Variants in MEF2A observed in about 807,000 individuals in gnomAD.
MEF2A encodes the protein myocyte enhancer factor 2A.
Under a neutral mutation model 55.8 loss-of-function variants are expected in MEF2A, and 28 were observed. The observed-to-expected ratio is 0.50, with a 90% CI of 0.37 to 0.69. The LOEUF is 0.69. MEF2A is among the 30% of genes least tolerant of loss of function. The pLI is 0.00. For synonymous variants in MEF2A, 239 were observed against 227.1 expected, an observed-to-expected ratio of 1.05 and a Z score of -0.47; for missense variants, 528 against 626.2, an observed-to-expected ratio of 0.84 and a Z score of 1.67.
At chr15:99,595,293 A>G (rs892350134) in intron 1 of MEF2A, among the ~76,000 whole-genome samples, 2 of 152,120 alleles carry the variant, frequency 1.3e-5, no homozygotes, top group African/African-American at 2.4e-5. Context: ...AGTTGTTGTT[A>G]TTATGTTAGG....
At chr15:99,657,411 A>G (rs1034959642) in intron 4 of MEF2A, 4 of 152,060 alleles carry the variant, frequency 2.6e-5, no homozygotes, top group Non-Finnish European at 4.4e-5. Flanking sequence ...TTGTTGGGCT[A>G]GGTTATCTGG....
intron 4 of MEF2A, among the ~76,000 whole-genome samples, chr15:99,655,739 A>G (rs2047603188): frequency 6.6e-6 from 1 of 152,172 alleles, no homozygotes; most frequent in African/African-American, 2.4e-5. Flanking sequence ...GGAATAGAAT[A>G]TATTGACACA....
intron 2 of MEF2A, among the ~76,000 whole-genome samples, chr15:99,630,429 C>G (rs1193980000): frequency 1.3e-5 from 2 of 152,136 alleles, no homozygotes; most frequent in African/African-American, 4.8e-5. Context: ...ATGTTTTCCA[C>G]TTTTTGTTTA....
intron 1 of MEF2A, among the ~76,000 whole-genome samples, chr15:99,597,993 T>G (rs1007734068): frequency 1.6e-4 from 25 of 152,232 alleles, no homozygotes; most frequent in Admixed American, 3.3e-4. Context: ...GTGATAACAA[T>G]TATTTCACAA....
At chr15:99,653,433 T>C (rs931650750) in intron 4 of MEF2A, among the ~76,000 whole-genome samples, 5 of 152,212 alleles carry the variant, frequency 3.3e-5, no homozygotes, top group Admixed American at 1.3e-4. Context: ...TTTACAATTA[T>C]GCAATCAGTG....
chr15:99,675,536 G>A (rs2051811945), intron 7 of MEF2A, 78 bp downstream of exon 7: 1 of 1,287,038 alleles, frequency 7.8e-7, no homozygotes, highest in Non-Finnish European at 1.1e-6. Flanking sequence ...CTGAAATAAA[G>A]CTTTCTGGGA....
intron 2 of MEF2A, among the ~76,000 whole-genome samples, chr15:99,623,123 A>G (rs575157706): frequency 3.9e-4 from 60 of 152,288 alleles, no homozygotes; most frequent in African/African-American, 1.4e-3. Flanking sequence ...GAATTTGACT[A>G]CTTTACGTAC....
In MEF2A at chr15:99,690,404, A is replaced by G. The variant is rs760568467; in HGVS notation, c.834A>G (p.Ser278=). ...ATCTTCGAGTTGTCATCCCCCCTTCAAGCAAGGGCATGATGCCTCCACTAG... is the reference window on the plus strand; with the variant it reads ...ATCTTCGAGTTGTCATCCCCCCTTCGAGCAAGGGCATGATGCCTCCACTAG... The part of the protein sequence containing the change: ...KPDLRVVIPP[S]SKGMMPPLSE... Residue 278 remains serine (S), a synonymous_variant, in exon 8 of 12, where the codon TCA becomes TCG. Coordinates refer to ENST00000557942, the MANE Select transcript of MEF2A (RefSeq NM_001319206.4). 12 of 1,603,372 alleles carry G rather than the reference A, an allele frequency of 7.5e-6. No individual in the cohort carries two copies. Among genetic ancestry groups the G allele is most frequent in the African/African-American group, 1.3e-5 (1 of 74,610 alleles).
intron 3 of MEF2A, among the ~76,000 whole-genome samples, chr15:99,638,633 A>G (rs2153443294): frequency 6.6e-6 from 1 of 152,180 alleles, no homozygotes. Context: ...CAATTCTAGA[A>G]TTTTTTGATT....
At chr15:99,708,515 T>A (rs2058280834) in intron 10 of MEF2A, among the ~76,000 whole-genome samples, 1 of 152,260 alleles carries the variant, frequency 6.6e-6, no homozygotes, top group Non-Finnish European at 1.5e-5. Context: ...ATCAGTCGCT[T>A]AGCGTCAGTC....
At position 99,714,853 on chromosome 15, in the gene MEF2A, T is replaced by C. The variant is rs1486857389; in HGVS notation, c.*2082T>C. On this transcript the variant is annotated 3_prime_UTR_variant, in exon 12 of 12. Coordinates refer to ENST00000557942, the MANE Select transcript of MEF2A (RefSeq NM_001319206.4). ...CGTTCCTTTTGACATTTTCCTCATC[T>C]GCTGTTTGTGACAAGTCATCAGCCA... 4.9e-5 allele frequency: 6 copies of C among 121,772 alleles called. No individual in the cohort carries two copies. Among genetic ancestry groups the C allele is most frequent in the Non-Finnish European group, 6.4e-5 (4 of 62,536 alleles). The allele number at this position is 121,772 out of a possible 1,614,324, so 7.5% of individuals were successfully genotyped here.
intron 8 of MEF2A, among the ~76,000 whole-genome samples, chr15:99,702,403 T>TA (rs1473399155): frequency 1.3e-5 from 2 of 151,474 alleles, no homozygotes; most frequent in African/African-American, 4.8e-5. Flanking sequence ...TTCTAAATGT[T>TA]ATGGAGAAAA....
chr15:99,582,943 A>C (rs1053991257), intron 1 of MEF2A, among the ~76,000 whole-genome samples: 4 of 152,140 alleles, frequency 2.6e-5, no homozygotes, highest in African/African-American at 9.7e-5. Context: ...AAATCACCCC[A>C]GTTCTCTTCC....
chr15:99,615,310 A>T (rs921709369), intron 2 of MEF2A, among the ~76,000 whole-genome samples: 1 of 152,178 alleles, frequency 6.6e-6, no homozygotes, highest in Non-Finnish European at 1.5e-5. Flanking sequence ...TTTGTCTTTT[A>T]TGCAGACTTA....
chr15:99,596,562 C>T (rs1301767632), intron 1 of MEF2A, among the ~76,000 whole-genome samples: 1 of 152,150 alleles, frequency 6.6e-6, no homozygotes, highest in East Asian at 1.9e-4. Context: ...ATAATTAATA[C>T]TGCTGAATCA....
chr15:99,591,400 A>G (rs965457947), intron 1 of MEF2A, among the ~76,000 whole-genome samples: 1 of 152,000 alleles, frequency 6.6e-6, no homozygotes, highest in African/African-American at 2.4e-5. Flanking sequence ...GGAGTCTGGT[A>G]ATTATTATCT....
chr15:99,566,898 C>T (rs1567122649), intron 1 of MEF2A, among the ~76,000 whole-genome samples: 2 of 152,298 alleles, frequency 1.3e-5, no homozygotes, highest in East Asian at 3.9e-4. Context: ...CTGGCTGAAC[C>T]CCTGCCATCC....
intron 2 of MEF2A, among the ~76,000 whole-genome samples, chr15:99,620,467 G>A (rs1405074211): frequency 1.3e-5 from 2 of 152,156 alleles, no homozygotes; most frequent in African/African-American, 2.4e-5. Context: ...GTGTTAATTC[G>A]CTTAGAATGA....
Position 99,712,354 on chromosome 15 carries a change from G to A in MEF2A, c.1137-36G>A. On this transcript the variant is annotated intron_variant, in intron 11 of 11. Transcript: ENST00000557942. This position sits in a 1 kb window ranked among gnomAD's most constrained non-coding sequence, Gnocchi z 4.1. ...TCATCCCAGTTTTGCAGAGGTACTT[G>A]CAAGCCATCTGACCTCTCTCTTTTT... 1 of 1,491,672 alleles carries A rather than the reference G, an allele frequency of 6.7e-7. No individual in the cohort carries two copies. The allele number at this position is 1,491,672 out of a possible 1,614,324, so 92.4% of individuals were successfully genotyped here.
Sources: gnomAD v4.1 joint callset for allele counts (sites outside exome capture counted in the v4.1 genomes callset) on GRCh38, gnomAD v4.1.1 for gene constraint, Gnocchi (gnomAD v3.1) non-coding constraint, MANE v1.5 for transcripts, NCBI Gene and HGNC (gene_info 2026-07-23, HGNC 2026-07-21) for gene names.